Variants in CTNNA3 observed in about 807,000 individuals in gnomAD.
CTNNA3 encodes the protein catenin alpha 3.
A neutral mutation model predicts 95.7 loss-of-function variants in CTNNA3; 76 were observed. That is an observed-to-expected ratio of 0.79 (90% CI 0.66 to 0.96). The LOEUF (loss-of-function observed/expected upper bound fraction) is 0.96, where lower values mean the gene tolerates loss of function less well. Among genes scored for constraint, CTNNA3 ranks in the 40% least tolerant of loss-of-function variants. The probability of loss-of-function intolerance (pLI) is 0.00; values close to 1 mark genes in which losing one functional copy is unlikely to be tolerated. For missense variants in CTNNA3, 1,191 were observed against 1,089.8 expected, an observed-to-expected ratio of 1.09 and a Z score of -1.31; for synonymous variants, 431 against 374.4, an observed-to-expected ratio of 1.15 and a Z score of -1.74.
chr10:67,238,907 C>T (rs945801597), intron 5 of CTNNA3, among the ~76,000 whole-genome samples: 6 of 151,984 alleles, frequency 3.9e-5, no homozygotes, highest in Admixed American at 1.3e-4. Flanking sequence ...GAGTTTAATA[C>T]ATTTTTGTTA....
intron 9 of CTNNA3, among the ~76,000 whole-genome samples, chr10:66,689,317 T>G (rs532581631): frequency 6.6e-6 from 1 of 152,302 alleles, no homozygotes; most frequent in African/African-American, 2.4e-5. Context: ...CTAGGTCCTT[T>G]TAATGAGTTT....
At chr10:67,001,114 A>T (rs1851658847) in intron 7 of CTNNA3, among the ~76,000 whole-genome samples, 1 of 151,876 alleles carries the variant, frequency 6.6e-6, no homozygotes, top group African/African-American at 2.4e-5. Context: ...CATCCTGGCC[A>T]ACATGATGAA....
intron 4 of CTNNA3, among the ~76,000 whole-genome samples, chr10:67,536,463 C>T (rs950596382): frequency 6.6e-6 from 1 of 152,100 alleles, no homozygotes; most frequent in African/African-American, 2.4e-5. Context: ...GCATATGTTG[C>T]ATATTATCAG....
chr10:66,337,634 A>G (rs1564879119), intron 12 of CTNNA3, among the ~76,000 whole-genome samples: 1 of 152,142 alleles, frequency 6.6e-6, no homozygotes, highest in South Asian at 2.1e-4. Flanking sequence ...TTGTTGCATG[A>G]GCACATGAAA....
intron 1 of CTNNA3, among the ~76,000 whole-genome samples, chr10:67,689,480 C>G (rs4406709): frequency 0.45 from 68,108 of 151,866 alleles, 19,040 homozygotes; most frequent in African/African-American, 0.8. Context: ...ACAGGGAGTG[C>G]TTTTTAGAAG....
chr10:66,420,357 T>C (rs1304594076), intron 11 of CTNNA3, among the ~76,000 whole-genome samples: 1 of 152,158 alleles, frequency 6.6e-6, no homozygotes, highest in Admixed American at 6.6e-5. Context: ...TTAGGATGGC[T>C]ATTTTTTTAT....
At chr10:66,077,667 A>G (rs2080595955) in intron 14 of CTNNA3, among the ~76,000 whole-genome samples, 1 of 151,656 alleles carries the variant, frequency 6.6e-6, no homozygotes, top group Non-Finnish European at 1.5e-5. Context: ...TTTCTCCAAA[A>G]AGAAAAGTTG....
chr10:67,713,634 AGG>A (rs1841125322), intron 1 of CTNNA3, among the ~76,000 whole-genome samples: 1 of 152,244 alleles, frequency 6.6e-6, no homozygotes, highest in South Asian at 2.1e-4. Context: ...TGTCCTTTGC[AGG>A]GACATGGATG....
intron 13 of CTNNA3, among the ~76,000 whole-genome samples, chr10:66,243,527 A>G (rs891009745): frequency 6.6e-6 from 1 of 152,124 alleles, no homozygotes; most frequent in African/African-American, 2.4e-5. Context: ...CTTTCAACCA[A>G]TTGCCGAACA....
chr10:67,383,951 T>C (rs1241353440), intron 5 of CTNNA3, among the ~76,000 whole-genome samples: 1 of 152,208 alleles, frequency 6.6e-6, no homozygotes, highest in Non-Finnish European at 1.5e-5. Context: ...TCTTGATTTA[T>C]TTTCTAAGCC....
chr10:67,564,670 T>G (rs1841680617), intron 3 of CTNNA3, among the ~76,000 whole-genome samples: 1 of 84,274 alleles, frequency 1.2e-5, no homozygotes, highest in African/African-American at 6.0e-5. Flanking sequence ...TATATGTGTG[T>G]GTGTGTGTAT....
chr10:66,481,275 A>G (rs1839514804), intron 11 of CTNNA3, among the ~76,000 whole-genome samples: 1 of 152,102 alleles, frequency 6.6e-6, no homozygotes, highest in Non-Finnish European at 1.5e-5. Context: ...TTTTAATGCA[A>G]GTTTCCCATT....
intron 14 of CTNNA3, among the ~76,000 whole-genome samples, chr10:66,099,002 A>G (rs1244148127): frequency 2.0e-5 from 3 of 152,218 alleles, no homozygotes; most frequent in Admixed American, 6.6e-5. Context: ...GGTGACAACA[A>G]TAATAAATGA....
intron 7 of CTNNA3, among the ~76,000 whole-genome samples, chr10:66,953,226 C>T (rs1334088196): frequency 6.6e-6 from 1 of 152,152 alleles, no homozygotes; most frequent in African/African-American, 2.4e-5. Flanking sequence ...ACACACAAAT[C>T]AATCCAGCAT....
chr10:67,443,930 G>A (rs1468459270), intron 5 of CTNNA3, among the ~76,000 whole-genome samples: 3 of 152,086 alleles, frequency 2.0e-5, no homozygotes, highest in Non-Finnish European at 4.4e-5. Flanking sequence ...ATGGTTTTAG[G>A]TCTAATGTTT....
intron 7 of CTNNA3, among the ~76,000 whole-genome samples, chr10:67,134,991 G>T (rs1475171195): frequency 2.6e-5 from 4 of 152,094 alleles, no homozygotes; most frequent in Non-Finnish European, 4.4e-5. Flanking sequence ...TATGGTGGCA[G>T]GATAGAGCTA....
intron 13 of CTNNA3, among the ~76,000 whole-genome samples, chr10:66,230,157 T>G (rs963833926): frequency 2.6e-5 from 4 of 152,202 alleles, no homozygotes; most frequent in African/African-American, 9.7e-5. Context: ...ATTGTCTATT[T>G]GTGTTCTCAT....
At chr10:66,576,443 A>G (rs1490678617) in intron 10 of CTNNA3, among the ~76,000 whole-genome samples, 1 of 152,052 alleles carries the variant, frequency 6.6e-6, no homozygotes, top group Non-Finnish European at 1.5e-5. Context: ...TAGTGAGCAT[A>G]GTACATAACA....
At chr10:66,717,735 C>G (rs1391316095) in intron 9 of CTNNA3, among the ~76,000 whole-genome samples, 1 of 152,174 alleles carries the variant, frequency 6.6e-6, no homozygotes, top group East Asian at 1.9e-4. Flanking sequence ...TCACCTCTCT[C>G]ACAGCGACTT....
Sources: allele counts gnomAD v4.1 joint callset (sites outside exome capture counted in the v4.1 genomes callset), GRCh38; gene constraint gnomAD v4.1.1; transcripts MANE v1.5; gene names NCBI Gene and HGNC (gene_info 2026-07-23, HGNC 2026-07-21).